Variants in ANKRD36 observed in about 807,000 individuals in gnomAD.
The protein encoded by ANKRD36 is ankyrin repeat domain-containing protein 36A.
In ANKRD36, 179 loss-of-function variants were observed where a neutral mutation model predicts 278.1. That is an observed-to-expected ratio of 0.64 (90% CI 0.57 to 0.73). The LOEUF (loss-of-function observed/expected upper bound fraction) is 0.73. Ranked by LOEUF, ANKRD36 falls within the 30% of genes least tolerant of loss-of-function variation. ANKRD36 has a pLI of 0.00. For synonymous variants in ANKRD36, 320 were observed against 641.1 expected (o/e 0.50, Z 7.57); for missense variants, 1,159 against 1,956.7 (o/e 0.59, Z 7.69).
At position 97,194,931 on chromosome 2, in the gene ANKRD36, A is replaced by T; in HGVS notation, c.2551+14A>T. 6.5e-7 allele frequency: 1 copy of T among 1,543,316 alleles called. No individual in the cohort carries two copies. ...TATCTAGGAAAGGTAATTTTGCGAA[A>T]CACATTTAATGTCATGTTCAGTCCA... On this transcript the variant is annotated intron_variant, in intron 40 of 75. Coordinates refer to ENST00000420699, the MANE Select transcript of ANKRD36 (RefSeq NM_001354587.1).
chr2:97,113,550 C>T lies in ANKRD36; in HGVS notation c.-190C>T, dbSNP rs1257254428. 1.5e-6 allele frequency: 1 copy of T among 663,160 alleles called. No homozygotes were observed. Among genetic ancestry groups the T allele is most frequent in the Non-Finnish European group, 2.5e-6 (1 of 399,988 alleles). 41.1% of individuals were successfully genotyped at this position (663,160 alleles called of 1,614,324 possible). A position where few individuals can be genotyped will look rare whatever the true frequency, so the allele number is the denominator to read the frequency against. ...TCTGCCTCGGGCCTGTTGGGCAGGG[C>T]CGGCTAAGGTGCGCGTGCTCGCTGG... On this transcript the variant is annotated 5_prime_UTR_variant, in exon 1 of 76. Transcript: ENST00000420699.
chr2:97,217,059 A>T (rs974592923), intron 62 of ANKRD36, 118 bp from the exon 63 acceptor site: 2 of 1,527,506 alleles, frequency 1.3e-6, no homozygotes, highest in African/African-American at 2.8e-5. Flanking sequence ...AGTAGGAAAC[A>T]TCAAATCCTA....
chr2:97,113,838 G>T lies in ANKRD36; in HGVS notation c.99G>T (p.Leu33=). 6.2e-7 allele frequency: 1 copy of T among 1,613,172 alleles called. No homozygotes were observed. The highest frequency in any genetic ancestry group is 8.5e-7 in the Non-Finnish European group (1 of 1,180,016). The change falls in exon 1 of 76, where the codon CTG becomes CTT. Residue 33 remains leucine (L), a synonymous_variant. Coordinates refer to ENST00000420699, the MANE Select transcript of ANKRD36 (RefSeq NM_001354587.1). The part of the protein sequence containing the change: ...FPQYPIKPYH[L]KRIHRAVLHG... ...AATACCCCATTAAACCGTATCATCT[G>T]AAGAGGATCCACAGAGCTGTCTTAC...
chr2:97,174,677 T>G (rs983482889), intron 22 of ANKRD36, among the ~76,000 whole-genome samples: 1 of 151,668 alleles, frequency 6.6e-6, no homozygotes, highest in African/African-American at 2.4e-5. Context: ...ATAGGAGTGG[T>G]GAGAAAGGGC....
chr2:97,220,775 A>ATTTTTTTTTTTTTTTTTTTTTTT (rs58512786), intron 66 of ANKRD36, among the ~76,000 whole-genome samples: 1 of 62,722 alleles, frequency 1.6e-5, no homozygotes. Context: ...TTTTTTTTTA[A>ATTTTTTTTTTTTTTTTTTTTTTT]TTTTTTTTTT....
At chr2:97,188,496 C>A (rs1325892003) in intron 32 of ANKRD36, among the ~76,000 whole-genome samples, 1 of 151,546 alleles carries the variant, frequency 6.6e-6, no homozygotes, top group South Asian at 2.1e-4. Context: ...CAAATTATTA[C>A]ACCACATGGG....
chr2:97,151,796 G>C, intron 12 of ANKRD36, 83 bp from the exon 13 acceptor site: 1 of 954,342 alleles, frequency 1.0e-6, no homozygotes, highest in Non-Finnish European at 1.6e-6. Context: ...TACTTTTCCT[G>C]TTAGATCATG....
At chr2:97,224,599 G>A (rs1225288294) in intron 66 of ANKRD36, among the ~76,000 whole-genome samples, 9 of 152,012 alleles carry the variant, frequency 5.9e-5, no homozygotes, top group Admixed American at 5.9e-4. Context: ...ACAGGCGCCC[G>A]CCACCACGCC....
intron 75 of ANKRD36, among the ~76,000 whole-genome samples, chr2:97,260,379 T>TATATATATATACAC (rs1315601255): frequency 4.4e-4 from 53 of 121,220 alleles, no homozygotes; most frequent in African/African-American, 1.7e-3. Context: ...TATATATATA[T>TATATATATATACAC]ACACACATAT....
intron 20 of ANKRD36, among the ~76,000 whole-genome samples, chr2:97,165,959 G>A (rs1260583131): frequency 6.6e-6 from 1 of 152,104 alleles, no homozygotes; most frequent in Non-Finnish European, 1.5e-5. Context: ...CTTCACAAGT[G>A]ATTTCTGAAG....
intron 6 of ANKRD36, among the ~76,000 whole-genome samples, chr2:97,138,736 A>G (rs2042150683): frequency 6.6e-6 from 1 of 152,016 alleles, no homozygotes; most frequent in Non-Finnish European, 1.5e-5. Context: ...ACCAAAAGAG[A>G]TATATAGACC....
At chr2:97,212,169 G>A (rs910735646) in intron 58 of ANKRD36, among the ~76,000 whole-genome samples, 4 of 151,906 alleles carry the variant, frequency 2.6e-5, no homozygotes, top group South Asian at 2.1e-4. Flanking sequence ...AGCAAGAGCA[G>A]TGATGTAGCA....
chr2:97,211,446 A>G lies in ANKRD36; in HGVS notation c.3368-100A>G. On this transcript the variant is annotated intron_variant, in intron 56 of 75. Transcript: ENST00000420699. ...AGAAGCCGTCAAGGCCTACACTAAT[A>G]CAGGCTGGGGGACAGAGTTTGATGC... The G allele has an allele frequency of 6.6e-6, 10 of 1,526,714 alleles. No homozygotes were observed. In the South Asian group the frequency reaches 1.1e-4, roughly 16 times the overall value. 94.6% of individuals were successfully genotyped at this position (1,526,714 alleles called of 1,614,324 possible).
intron 12 of ANKRD36, among the ~76,000 whole-genome samples, chr2:97,150,211 CAG>C: frequency 6.6e-6 from 1 of 151,748 alleles, no homozygotes; most frequent in East Asian, 2.0e-4. Flanking sequence ...GTTTGATAAA[CAG>C]AGACTCTTCA....
At chr2:97,149,426 C>G in intron 12 of ANKRD36, 65 bp downstream of exon 12, 1 of 1,353,504 alleles carries the variant, frequency 7.4e-7, no homozygotes, top group Non-Finnish European at 9.9e-7. Flanking sequence ...TTATTTTCTT[C>G]TAAAACTTAG....
chr2:97,196,467 T>C (rs2059799064), intron 40 of ANKRD36, 126 bp from the exon 41 acceptor site: 1 of 1,523,006 alleles, frequency 6.6e-7, no homozygotes, highest in Admixed American at 1.9e-5. Flanking sequence ...AGACACAAAG[T>C]AGAAGCCATC....
At chr2:97,171,060 G>A (rs1452601238) in intron 22 of ANKRD36, among the ~76,000 whole-genome samples, 1 of 149,672 alleles carries the variant, frequency 6.7e-6, no homozygotes, top group Non-Finnish European at 1.5e-5. Context: ...AACAGGTGCT[G>A]GAGAGGATGT....
intron 1 of ANKRD36, among the ~76,000 whole-genome samples, chr2:97,115,190 G>C (rs2034913948): frequency 6.6e-6 from 1 of 152,152 alleles, no homozygotes; most frequent in African/African-American, 2.4e-5. Context: ...AGTAGGAAAA[G>C]ATGAATTACT....
In ANKRD36 at chr2:97,117,320, C is replaced by G. The variant is rs2035738919; in HGVS notation, c.198-744C>G. Among the ~76,000 whole-genome samples the G allele has an allele frequency of 2.6e-5, 4 of 151,620 alleles. No homozygotes were observed. The Middle Eastern group carries it at 0.01, about 387-fold the overall frequency. ...GTTTTTTTATTTTTGCCTTCTTTTTCCACAGTACTTTATTTAGGTGCCAAT... is the reference window on the plus strand; with the variant it reads ...GTTTTTTTATTTTTGCCTTCTTTTTGCACAGTACTTTATTTAGGTGCCAAT... On this transcript the variant is annotated intron_variant, in intron 1 of 75. Transcript: ENST00000420699.
Sources: allele counts gnomAD v4.1 joint callset (sites outside exome capture counted in the v4.1 genomes callset), GRCh38; gene constraint gnomAD v4.1.1; transcripts MANE v1.5; gene names NCBI Gene and HGNC (gene_info 2026-07-23, HGNC 2026-07-21).